The following SYNE1 variants were observed in gnomAD, a reference collection of about 807,000 sequenced individuals.
SYNE1 encodes the protein nesprin-1.
SYNE1 carries 616 observed loss-of-function variants against 1,111.0 expected under a neutral mutation model. That is an observed-to-expected ratio of 0.55 (90% confidence interval 0.52 to 0.59). The LOEUF (loss-of-function observed/expected upper bound fraction) is 0.59. SYNE1 is among the 20% of genes least tolerant of loss of function. The probability of loss-of-function intolerance (pLI) is 0.00; values close to 1 mark genes in which losing one functional copy is unlikely to be tolerated. For synonymous variants in SYNE1, 3,855 were observed against 3,825.8 expected (o/e 1.01, Z -0.28); for missense variants, 10,006 against 10,417.0 (o/e 0.96, Z 1.72).
intron 3 of SYNE1, among the ~76,000 whole-genome samples, chr6:152,559,315 G>C (rs1020731358): frequency 1.3e-5 from 2 of 151,430 alleles, no homozygotes; most frequent in Non-Finnish European, 2.9e-5. Context: ...TGCCCAGGCT[G>C]GTCTAGAACT....
chr6:152,233,396 C>T (rs540757043), intron 112 of SYNE1, among the ~76,000 whole-genome samples: 5 of 151,986 alleles, frequency 3.3e-5, no homozygotes, highest in East Asian at 1.9e-4. Context: ...GGCGCGATCT[C>T]GGCTCACTCC....
chr6:152,257,742 T>G (rs1366391523), intron 101 of SYNE1, among the ~76,000 whole-genome samples: 1 of 151,856 alleles, frequency 6.6e-6, no homozygotes, highest in East Asian at 1.9e-4. Flanking sequence ...CAAAGATCAG[T>G]ACAACTAAAA....
At chr6:152,531,876 AC>A (rs1290007761) in intron 4 of SYNE1, among the ~76,000 whole-genome samples, 1 of 152,170 alleles carries the variant, frequency 6.6e-6, no homozygotes, top group Non-Finnish European at 1.5e-5. Context: ...TGGATATACC[AC>A]ATATTTTGCA....
intron 3 of SYNE1, among the ~76,000 whole-genome samples, chr6:152,548,410 G>C (rs892843084): frequency 7.2e-5 from 11 of 152,162 alleles, no homozygotes; most frequent in Admixed American, 6.5e-4. Flanking sequence ...AGAATGGCTG[G>C]ACCACAATTG....
rs572106956 is a variant in SYNE1, at chr6:152,352,194, G to A, written c.11413C>T (p.Arg3805Trp). 3.1e-5 allele frequency: 50 copies of A among 1,614,042 alleles called. No individual in the cohort carries two copies. Among genetic ancestry groups the A allele is most frequent in the Non-Finnish European group, 3.7e-5 (44 of 1,180,022 alleles). Reference protein sequence around the residue: ...EQLKELTSTVRKEHMTLEKGL... With the variant: ...EQLKELTSTVWKEHMTLEKGL... ...TTTTCCAGCGTCATGTGTTCTTTCC[G>A]GACAGTGCTGGTCAGTTCCTTCAAC... Residue 3805 changes from arginine to tryptophan, a missense_variant, in exon 70 of 146, where the codon CGG becomes TGG. By Grantham distance (101) the Arg-to-Trp change is moderately radical. Around this residue, in one of 7 missense-constraint regions of SYNE1, gnomAD observed 4,955 missense variants for 5,017.2 expected, o/e 0.99. Coordinates refer to ENST00000367255, the MANE Select transcript of SYNE1 (RefSeq NM_182961.4).
rs776344465 is a variant in SYNE1 at position 152,510,272 on chromosome 6, T to C, written c.502A>G (p.Ser168Gly). ...ATCTTGGTGGTCACCTTCCGTTTAC[T>C]TGGTGGGCTGGGAGTCTCAGAGCTA... Reference protein sequence around the residue: ...IVSSETPSPPSKRKVTTKIQG... With the variant: ...IVSSETPSPPGKRKVTTKIQG... Residue 168 changes from serine (S) to glycine (G), a missense_variant, in exon 8 of 146, where the codon AGT becomes GGT. Transcript: ENST00000367255. The C allele has an allele frequency of 4.3e-6, 7 of 1,614,030 alleles. No individual in the cohort carries two copies. In the East Asian group the frequency reaches 6.7e-5, roughly 15 times the overall value.
intron 73 of SYNE1, among the ~76,000 whole-genome samples, chr6:152,346,393 C>G (rs2096632055): frequency 6.6e-6 from 1 of 152,106 alleles, no homozygotes; most frequent in African/African-American, 2.4e-5. Context: ...TCTCAAGCTC[C>G]TGACCTCAAG....
chr6:152,139,510 G>T (rs889438169), intron 140 of SYNE1, among the ~76,000 whole-genome samples: 3 of 149,186 alleles, frequency 2.0e-5, no homozygotes, highest in East Asian at 2.0e-4. Context: ...GGCAGAGGTT[G>T]CACTGAGCTG....
In SYNE1 at chr6:152,425,467, G is replaced by C. The variant is rs1442528036; in HGVS notation, c.5181C>G (p.Ala1727=). 5 of 1,614,118 alleles carry C rather than the reference G, an allele frequency of 3.1e-6. No individual in the cohort carries two copies. Among genetic ancestry groups the C allele is most frequent in the Middle Eastern group, 1.6e-4 (1 of 6,062 alleles). Residue 1727 remains alanine, a synonymous_variant, in exon 39 of 146, where the codon GCC becomes GCG. Coordinates refer to ENST00000367255, the MANE Select transcript of SYNE1 (RefSeq NM_182961.4). ...TCATCATTTTCACATCATCTTTGGA[G>C]GCTACTGAGAACAATGATTCCTTCA... ...LQLKESLFSV[A]SKDDVKMMKL...
Position 152,214,910 on chromosome 6 carries a change from A to C in SYNE1, c.22342T>G (p.Phe7448Val). The change falls in exon 122 of 146, where the codon TTC (phenylalanine) becomes GTC (valine). Residue 7448 changes from phenylalanine (F) to valine (V), a missense_variant. Phe to Val is a conservative substitution (Grantham distance 50). This residue lies in a region of SYNE1 where 2,182 missense variants were observed against 2,287.8 expected (regional missense o/e 0.95). Coordinates refer to ENST00000367255, the MANE Select transcript of SYNE1 (RefSeq NM_182961.4). ...SLISSQTTER[F>V]SKLQSFLLQH... ...GACATCTCTTGTTTACTCTACCTGA[A>C]TCTTTCTGTAGTCTGAGAGGAGATC... The C allele has an allele frequency of 1.9e-6, 3 of 1,614,088 alleles. No homozygotes were observed. Among genetic ancestry groups the C allele is most frequent in the Non-Finnish European group, 1.7e-6 (2 of 1,179,982 alleles).
At chr6:152,153,629 G>A (rs977078429) in intron 133 of SYNE1, among the ~76,000 whole-genome samples, 15 of 152,220 alleles carry the variant, frequency 9.9e-5, no homozygotes, top group South Asian at 6.2e-4. Context: ...GTAAGATGCA[G>A]TTGAGCAGCT....
chr6:152,176,343 AG>A (rs1251155163), intron 130 of SYNE1, 50 bp downstream of exon 130: 1 of 1,611,014 alleles, frequency 6.2e-7, no homozygotes, highest in African/African-American at 1.3e-5. Flanking sequence ...GCAGACTGAA[AG>A]GCTTTAAAAT....
At chr6:152,617,453 G>A (rs1383766354) in intron 3 of SYNE1, among the ~76,000 whole-genome samples, 1 of 152,122 alleles carries the variant, frequency 6.6e-6, no homozygotes, top group Admixed American at 6.6e-5. Context: ...GCTCCATGAG[G>A]AAACAAAGTC....
At chr6:152,573,260 C>T (rs1044290427) in intron 3 of SYNE1, among the ~76,000 whole-genome samples, 46 of 151,582 alleles carry the variant, frequency 3.0e-4, no homozygotes, top group Non-Finnish European at 4.9e-4. Flanking sequence ...TATACATGTG[C>T]CATGTTGGTG....
In SYNE1 at chr6:152,610,513, G is replaced by A. The variant is rs375010129; in HGVS notation, c.67+17752C>T. The stretch of plus-strand genomic sequence containing the variant: ...GACTATGTGATAAGACCAAACCTAC[G>A]TTTGATTGGTGTACCTGAAAGTGAT... On this transcript the variant is annotated intron_variant, in intron 3 of 145. Coordinates refer to ENST00000367255, the MANE Select transcript of SYNE1 (RefSeq NM_182961.4). 3.9e-5 allele frequency among the ~76,000 whole-genome samples: 6 copies of A among 152,306 alleles called. No individual in the cohort carries two copies. The South Asian group carries it at 6.2e-4, about 16-fold the overall frequency.
chr6:152,256,676 C>G lies in SYNE1; in HGVS notation c.19062G>C (p.Leu6354Phe), dbSNP rs772574513. The change falls in exon 102 of 146, where the codon TTG becomes TTC. Residue 6354 changes from leucine (L) to phenylalanine (F), a missense_variant. Coordinates refer to ENST00000367255, the MANE Select transcript of SYNE1 (RefSeq NM_182961.4). ...PTQDKSAVTS[L>F]LDGLNQAFEE... The stretch of plus-strand genomic sequence containing the variant: ...CGAAGGCTTGGTTCAGTCCATCCAG[C>G]AAAGATGTAACTGCAGATTTATCTT... 18 of 1,613,970 alleles carry G rather than the reference C, an allele frequency of 1.1e-5. No individual in the cohort carries two copies. Among genetic ancestry groups the G allele is most frequent in the Non-Finnish European group, 1.5e-5 (18 of 1,179,906 alleles).
chr6:152,163,439 C>A (rs1276847497), intron 131 of SYNE1, among the ~76,000 whole-genome samples: 1 of 145,416 alleles, frequency 6.9e-6, no homozygotes, highest in African/African-American at 2.6e-5. Flanking sequence ...GTGGAGGTTG[C>A]AGTGAGCTGA....
At chr6:152,157,301 A>G (rs2152963158) in intron 131 of SYNE1, among the ~76,000 whole-genome samples, 2 of 152,334 alleles carry the variant, frequency 1.3e-5, no homozygotes, top group Middle Eastern at 6.8e-3. Flanking sequence ...GGAGGTCACT[A>G]TGTTAAGTGA....
At chr6:152,555,525 C>A (rs576462674) in intron 3 of SYNE1, among the ~76,000 whole-genome samples, 2 of 152,088 alleles carry the variant, frequency 1.3e-5, no homozygotes, top group Non-Finnish European at 2.9e-5. Context: ...CTATGATGTA[C>A]GCACAATGAC....
Sources: allele counts gnomAD v4.1 joint callset (sites outside exome capture counted in the v4.1 genomes callset), GRCh38; gene constraint gnomAD v4.1.1; regional missense constraint gnomAD v4.1.1; transcripts MANE v1.5; gene names NCBI Gene and HGNC (gene_info 2026-07-23, HGNC 2026-07-21).